Variants in CEP63 observed in about 807,000 individuals in gnomAD.
The protein encoded by CEP63 is centrosomal protein of 63 kDa.
In CEP63, 84 loss-of-function variants were observed where a neutral mutation model predicts 89.1. The ratio of observed to expected loss-of-function variants is 0.94; its 90% CI spans 0.79 to 1.13. The LOEUF is 1.13. CEP63 is among the 50% of genes most tolerant of loss of function. The pLI, the probability that CEP63 is intolerant of heterozygous loss-of-function variation, is 0.00. For synonymous variants in CEP63, 267 were observed against 272.5 expected (o/e 0.98, Z 0.20); for missense variants, 838 against 813.3 (o/e 1.03, Z -0.37).
At chr3:134,510,738 A>G in intron 3 of CEP63, 6 of 472,416 alleles carry the variant, frequency 1.3e-5, no homozygotes, top group Non-Finnish European at 2.4e-5. Flanking sequence ...GACTTCTCCC[A>G]TGGTCTTCTC....
Position 134,562,252 on chromosome 3 carries a change from G to A in CEP63, c.*717G>A. The A allele has an allele frequency of 1.0e-6, 1 of 979,546 alleles. No homozygotes were observed. Among genetic ancestry groups the A allele is most frequent in the Non-Finnish European group, 1.2e-6 (1 of 824,292 alleles). The allele number at this position is 979,546 out of a possible 1,614,324, so 60.7% of individuals were successfully genotyped here. On this transcript the variant is annotated 3_prime_UTR_variant, in exon 15 of 15. Coordinates refer to ENST00000675561, the MANE Select transcript of CEP63 (RefSeq NM_001353108.3). ...GATGGGAGACAAAGATCTGGATGTT[G>A]ATGTGCCGCAGGCATTTGAAACGAT...
intron 1 of CEP63, among the ~76,000 whole-genome samples, chr3:134,494,666 G>A (rs1353399057): frequency 2.6e-5 from 4 of 152,134 alleles, no homozygotes; most frequent in African/African-American, 9.7e-5. Flanking sequence ...AGGAAAAATA[G>A]TATGTAAAAA....
Position 134,507,245 on chromosome 3 carries a change from C to G in CEP63, c.181C>G (p.Leu61Val). The part of the protein sequence containing the change: ...ETCLKIREQE[L>V]KSLRSQLDVT... ...TTGCTTGAAAATCCGTGAACAGGAACTTAAGAGTCTTAGGAGTCAGTTGGA... is the reference window on the plus strand; with the variant it reads ...TTGCTTGAAAATCCGTGAACAGGAAGTTAAGAGTCTTAGGAGTCAGTTGGA... Residue 61 changes from leucine to valine, a missense_variant, in exon 3 of 15, where the codon CTT becomes GTT. Transcript: ENST00000675561. The G allele has an allele frequency of 6.2e-7, 1 of 1,613,638 alleles. No individual in the cohort carries two copies. The highest frequency in any genetic ancestry group is 8.5e-7 in the Non-Finnish European group (1 of 1,179,768).
the CEP63 span, among the ~76,000 whole-genome samples, chr3:134,694,951 C>T: frequency 1.3e-5 from 2 of 152,116 alleles, no homozygotes; most frequent in Non-Finnish European, 2.9e-5. Context: ...GTTTCCAGCA[C>T]ATTGTGGTGT....
chr3:134,760,215 C>A, the CEP63 span, among the ~76,000 whole-genome samples: 11 of 151,910 alleles, frequency 7.2e-5, no homozygotes, highest in Admixed American at 2.0e-4. Flanking sequence ...CCCGCCACCA[C>A]GCCCGGCTAA....
At chr3:134,631,585 T>C in the CEP63 span, among the ~76,000 whole-genome samples, 3 of 152,104 alleles carry the variant, frequency 2.0e-5, no homozygotes, top group Non-Finnish European at 4.4e-5. Flanking sequence ...AACTACAACA[T>C]AGAGTAGGAG....
chr3:134,626,095 G>T, the CEP63 span, among the ~76,000 whole-genome samples: 1 of 152,156 alleles, frequency 6.6e-6, no homozygotes, highest in East Asian at 1.9e-4. Context: ...TTAACCAAGG[G>T]TCCCTGAGTC....
chr3:134,578,133 C>G (rs1374677428), downstream of CEP63, among the ~76,000 whole-genome samples: 1 of 152,068 alleles, frequency 6.6e-6, no homozygotes, highest in African/African-American at 2.4e-5. Flanking sequence ...TGAGCGTATA[C>G]CTAGTAATGG....
chr3:134,766,609 A>G, the CEP63 span, among the ~76,000 whole-genome samples: 1 of 152,234 alleles, frequency 6.6e-6, no homozygotes, highest in African/African-American at 2.4e-5. Flanking sequence ...GACAGAAAGA[A>G]TTGGGCTATG....
chr3:134,596,641 C>A, the CEP63 span, among the ~76,000 whole-genome samples: 2 of 152,186 alleles, frequency 1.3e-5, no homozygotes, highest in African/African-American at 4.8e-5. Flanking sequence ...ACTTTCCTGG[C>A]CCTGTCTTCC....
At chr3:134,540,076 A>G (rs1321962039) in intron 6 of CEP63, among the ~76,000 whole-genome samples, 4 of 152,184 alleles carry the variant, frequency 2.6e-5, no homozygotes, top group African/African-American at 9.7e-5. Flanking sequence ...CAAAGTGTTG[A>G]TAATTTTTGA....
chr3:134,608,816 G>A, the CEP63 span: 2 of 1,612,518 alleles, frequency 1.2e-6, no homozygotes, highest in South Asian at 2.2e-5. Flanking sequence ...TGCAGGGTGG[G>A]TGAGGAAGTA....
At chr3:134,526,575 A>C (rs373307888) in intron 3 of CEP63, among the ~76,000 whole-genome samples, 50 of 152,070 alleles carry the variant, frequency 3.3e-4, no homozygotes, top group Admixed American at 1.7e-3. Flanking sequence ...CTTTGTTCCT[A>C]TCCATGCTCT....
intron 3 of CEP63, among the ~76,000 whole-genome samples, chr3:134,526,401 C>T (rs1948646442): frequency 6.6e-6 from 1 of 152,040 alleles, no homozygotes; most frequent in African/African-American, 2.4e-5. Context: ...GCTATTATTA[C>T]TTGTGATTTC....
chr3:134,594,231 C>T, the CEP63 span, among the ~76,000 whole-genome samples: 2 of 152,256 alleles, frequency 1.3e-5, no homozygotes, highest in Admixed American at 1.3e-4. Flanking sequence ...GCCAGGGGCT[C>T]CCCACTCCTA....
At chr3:134,650,763 C>A in the CEP63 span, 23 of 1,449,718 alleles carry the variant, frequency 1.6e-5, no homozygotes, top group Middle Eastern at 7.1e-4. Context: ...GGCGGGCAGG[C>A]CCTTGTGGCA....
At chr3:134,524,340 G>C (rs1010380014) in intron 3 of CEP63, among the ~76,000 whole-genome samples, 2 of 152,286 alleles carry the variant, frequency 1.3e-5, no homozygotes, top group African/African-American at 4.8e-5. Context: ...AACAGGAATA[G>C]TTTGACTTCC....
At position 134,564,751 on chromosome 3, in the gene CEP63, C is replaced by T. The variant is rs891777361; in HGVS notation, c.*3216C>T. 1.0e-5 allele frequency: 10 copies of T among 985,302 alleles called. No homozygotes were observed. The African/African-American group carries it at 1.7e-4, about 17-fold the overall frequency. 61.0% of individuals were successfully genotyped at this position (985,302 alleles called of 1,614,324 possible). A position where few individuals can be genotyped will look rare whatever the true frequency, so the allele number is the denominator to read the frequency against. On this transcript the variant is annotated 3_prime_UTR_variant, in exon 15 of 15. Transcript: ENST00000675561. ...AGGAGATTTCTGAGTTTTAGACAGT[C>T]CCAAGCTTCAGCTTAAAATCTGTAG...
At chr3:134,667,159 T>C in the CEP63 span, among the ~76,000 whole-genome samples, 1 of 152,184 alleles carries the variant, frequency 6.6e-6, no homozygotes, top group Admixed American at 6.5e-5. Flanking sequence ...TCAACCTTCA[T>C]ACCGCTGGCC....
Sources: gnomAD v4.1 joint callset for allele counts (sites outside exome capture counted in the v4.1 genomes callset) on GRCh38, gnomAD v4.1.1 for gene constraint, MANE v1.5 for transcripts, NCBI Gene and HGNC (gene_info 2026-07-23, HGNC 2026-07-21) for gene names.